ZNF236: variants seen among roughly 807,000 people sequenced by gnomAD.
ZNF236 encodes the protein regulated by glucose.
In ZNF236, 50 loss-of-function variants were observed where a neutral mutation model predicts 191.2. The ratio of observed to expected loss-of-function variants is 0.26; its 90% CI spans 0.21 to 0.33. The LOEUF is 0.33. Ranked by LOEUF, ZNF236 falls within the 10% of genes least tolerant of loss-of-function variation. ZNF236 has a pLI of 1.00. For missense variants in ZNF236, 1,754 were observed against 2,374.5 expected, an observed-to-expected ratio of 0.74 and a Z score of 5.43; for synonymous variants, 907 against 928.8, an observed-to-expected ratio of 0.98 and a Z score of 0.43.
At chr18:76,877,466 T>C (rs957281037) in intron 6 of ZNF236, among the ~76,000 whole-genome samples, 1 of 151,516 alleles carries the variant, frequency 6.6e-6, no homozygotes, top group East Asian at 1.9e-4. Context: ...GAGATCACGC[T>C]GTTGCACTCC....
chr18:76,851,286 G>C (rs1281724107), intron 2 of ZNF236, among the ~76,000 whole-genome samples: 2 of 120,746 alleles, frequency 1.7e-5, no homozygotes, highest in African/African-American at 6.5e-5. Flanking sequence ...TTTTTTTTGA[G>C]ACAGAGTCTC....
chr18:76,927,927 G>T lies in ZNF236; in HGVS notation c.4415G>T (p.Gly1472Val). The T allele has an allele frequency of 6.4e-7, 1 of 1,557,524 alleles. No homozygotes were observed. Among genetic ancestry groups the T allele is most frequent in the East Asian group, 2.3e-5 (1 of 42,738 alleles). The change falls in exon 25 of 31, where the codon GGG becomes GTG. Residue 1472 changes from glycine to valine, a missense_variant and splice_region_variant. Gly to Val is a moderately radical substitution (Grantham distance 109). Transcript: ENST00000320610. The surrounding 1 kb of genome is among the most constrained non-coding windows in gnomAD (Gnocchi z 5.4). ...TGTTTTGCTTTGTAATGACAATCAG[G>T]GACCCAAGACCTCACTCAAGTGATG... Reference protein sequence around the residue: ...QDSVLTTNSSGTQDLTQVMTS... With the variant: ...QDSVLTTNSSVTQDLTQVMTS...
Position 76,849,582 on chromosome 18 carries a change from T to C in ZNF236, c.112T>C (p.Phe38Leu). The change falls in exon 2 of 31, where the codon TTC (phenylalanine) becomes CTC (leucine). Residue 38 changes from phenylalanine to leucine, a missense_variant. Transcript: ENST00000320610. ...TAATTATGCCTATCAAGTTCCAAAC[T>C]TCCATAAATGTGAAATCTGTCTACT... ...NTNYAYQVPN[F>L]HKCEICLLSF... 6.2e-7 allele frequency: 1 copy of C among 1,612,344 alleles called. No homozygotes were observed. Among genetic ancestry groups the C allele is most frequent in the Non-Finnish European group, 8.5e-7 (1 of 1,179,570 alleles).
intron 27 of ZNF236, among the ~76,000 whole-genome samples, chr18:76,953,164 G>A (rs1235517906): frequency 6.6e-6 from 1 of 152,220 alleles, no homozygotes; most frequent in African/African-American, 2.4e-5. Flanking sequence ...TACTCAGCCT[G>A]TCTTTACTAA....
chr18:76,918,446 A>G (rs1290233260), intron 19 of ZNF236, among the ~76,000 whole-genome samples: 3 of 152,194 alleles, frequency 2.0e-5, no homozygotes, highest in African/African-American at 7.2e-5. Flanking sequence ...CTTTTGAGAA[A>G]CAGGGTCTCA....
chr18:76,926,747 AAGGGTGATTAGACAGTGTGTGTGTATGGT>A (rs1967697876), intron 22 of ZNF236, among the ~76,000 whole-genome samples: 10 of 151,916 alleles, frequency 6.6e-5, no homozygotes, highest in Non-Finnish European at 1.0e-4. Context: ...GTATGGTATA[AAGGGTGATTAGACAGTGTGTGTGTATGGT>A]ATAAAGGGTG....
intron 27 of ZNF236, among the ~76,000 whole-genome samples, chr18:76,952,963 G>A (rs1014302910): frequency 6.6e-6 from 1 of 152,212 alleles, no homozygotes; most frequent in Non-Finnish European, 1.5e-5. Flanking sequence ...TGCTGGTGGC[G>A]TTGGAGCAGC....
chr18:76,911,868 C>A (rs1967226061), intron 16 of ZNF236, among the ~76,000 whole-genome samples: 1 of 152,152 alleles, frequency 6.6e-6, no homozygotes, highest in Non-Finnish European at 1.5e-5. Flanking sequence ...GTCTTTCTCA[C>A]CCTCTGGTTT....
chr18:76,835,386 CAGTT>C (rs1006199921), intron 1 of ZNF236, among the ~76,000 whole-genome samples: 9 of 152,110 alleles, frequency 5.9e-5, no homozygotes, highest in Non-Finnish European at 1.3e-4. Flanking sequence ...TTTTTTCTGT[CAGTT>C]ACTCAGAAAA....
At chr18:76,924,151 T>G (rs1246943344) in intron 21 of ZNF236, among the ~76,000 whole-genome samples, 2 of 152,214 alleles carry the variant, frequency 1.3e-5, no homozygotes, top group African/African-American at 4.8e-5. Flanking sequence ...TTTCTGTTGT[T>G]TCATTAGGCT....
rs377374101 is a variant in ZNF236 at position 76,851,912 on chromosome 18, G to A, written c.336G>A (p.Ala112=). 9.9e-6 allele frequency: 16 copies of A among 1,610,912 alleles called. No homozygotes were observed. Among genetic ancestry groups the A allele is most frequent in the East Asian group, 6.7e-5 (3 of 44,866 alleles). The part of the protein sequence containing the change: ...KKFSRVASLK[A]HIMLHEKEEN... The stretch of plus-strand genomic sequence containing the variant: ...TCTCCAGAGTGGCTAGTCTCAAAGC[G>A]CATATTATGCTACATGAAAAGGAAG... The change falls in exon 3 of 31, where the codon GCG becomes GCA. Residue 112 remains alanine (A), a synonymous_variant. Coordinates refer to ENST00000320610, the MANE Select transcript of ZNF236 (RefSeq NM_001306089.2).
At position 76,880,355 on chromosome 18, in the gene ZNF236, C is replaced by T. The variant is rs765563352; in HGVS notation, c.1188+39C>T. On this transcript the variant is annotated intron_variant, in intron 8 of 30. Coordinates refer to ENST00000320610, the MANE Select transcript of ZNF236 (RefSeq NM_001306089.2). The surrounding 1 kb of genome is among the most constrained non-coding windows in gnomAD (Gnocchi z 5.0). ...CCCTGCGGTGTGAGGCTTACGTGCT[C>T]GTGCTGGGTCAGAAACCAGGGATGA... 4.6e-5 allele frequency: 71 copies of T among 1,553,038 alleles called. No individual in the cohort carries two copies. Among genetic ancestry groups the T allele is most frequent in the Non-Finnish European group, 5.8e-5 (66 of 1,142,156 alleles).
rs1490228220 is a variant in ZNF236, at chr18:76,908,455, A to G, written c.2433A>G (p.Ala811=). The change falls in exon 14 of 31, where the codon GCA becomes GCG. Residue 811 remains alanine (A), a synonymous_variant. Transcript: ENST00000320610. ...EIESDELPQT[A]EVVAANPEAM... Reference sequence around the variant, plus strand: ...AGAGCGACGAGCTGCCGCAGACGGCAGAGGTGGTCGCAGCGAACCCCGAGG... The same window carrying G: ...AGAGCGACGAGCTGCCGCAGACGGCGGAGGTGGTCGCAGCGAACCCCGAGG... 6.2e-7 allele frequency: 1 copy of G among 1,614,238 alleles called. No individual in the cohort carries two copies. Among genetic ancestry groups the G allele is most frequent in the South Asian group, 1.1e-5 (1 of 91,092 alleles).
intron 1 of ZNF236, among the ~76,000 whole-genome samples, chr18:76,823,088 C>T (rs1159894696): frequency 6.6e-6 from 1 of 150,566 alleles, no homozygotes; most frequent in African/African-American, 2.4e-5. Context: ...CCCGGGCCTG[C>T]GGATACCGCG....
intron 28 of ZNF236, among the ~76,000 whole-genome samples, chr18:76,958,487 C>T (rs1296647929): frequency 6.6e-6 from 1 of 152,186 alleles, no homozygotes; most frequent in Non-Finnish European, 1.5e-5. Flanking sequence ...GTCTGTTCCC[C>T]CGTGGACTCT....
chr18:76,828,465 C>T (rs1403982917), intron 1 of ZNF236, among the ~76,000 whole-genome samples: 2 of 152,128 alleles, frequency 1.3e-5, no homozygotes, highest in Non-Finnish European at 2.9e-5. Context: ...CCCACGCCTG[C>T]CAGACTTTAT....
intron 11 of ZNF236, among the ~76,000 whole-genome samples, chr18:76,899,923 A>G (rs917099778): frequency 2.0e-5 from 3 of 152,312 alleles, no homozygotes; most frequent in Admixed American, 6.5e-5. Flanking sequence ...GTGCTGGCAG[A>G]TTGAGTGTCT....
rs1976865466 is a variant in ZNF236, at chr18:76,880,652, G to C, written c.1188+336G>C. ...CGTTTTATTCTTTCTTGAGGTTCTGGTTTATGATTTGGAGACAGTCATGGG... is the reference window on the plus strand; with the variant it reads ...CGTTTTATTCTTTCTTGAGGTTCTGCTTTATGATTTGGAGACAGTCATGGG... On this transcript the variant is annotated intron_variant, in intron 8 of 30. Coordinates refer to ENST00000320610, the MANE Select transcript of ZNF236 (RefSeq NM_001306089.2). The surrounding 1 kb of genome is among the most constrained non-coding windows in gnomAD (Gnocchi z 5.0). Among the ~76,000 whole-genome samples the C allele has an allele frequency of 6.6e-6, 1 of 152,144 alleles. No homozygotes were observed. Among genetic ancestry groups the C allele is most frequent in the Admixed American group, 6.5e-5 (1 of 15,274 alleles).
intron 30 of ZNF236, among the ~76,000 whole-genome samples, chr18:76,961,820 G>T (rs1298027125): frequency 6.6e-6 from 1 of 152,062 alleles, no homozygotes; most frequent in Non-Finnish European, 1.5e-5. Context: ...GATCATTAGT[G>T]ATGTTGAGCA....
Sources: allele counts gnomAD v4.1 joint callset (sites outside exome capture counted in the v4.1 genomes callset), GRCh38; gene constraint gnomAD v4.1.1; non-coding constraint Gnocchi (gnomAD v3.1); transcripts MANE v1.5; gene names NCBI Gene and HGNC (gene_info 2026-07-23, HGNC 2026-07-21).